The following NALCN variants were observed in gnomAD, a reference collection of about 807,000 sequenced individuals.
NALCN encodes sodium leak channel, non-selective, also known as sodium leak channel NALCN.
Under a neutral mutation model 225.3 loss-of-function variants are expected in NALCN, and 111 were observed. The observed-to-expected ratio is 0.49, with a 90% confidence interval of 0.42 to 0.58. NALCN has a LOEUF of 0.58. Ranked by LOEUF, NALCN falls within the 20% of genes least tolerant of loss-of-function variation. NALCN has a pLI of 0.00. For synonymous variants in NALCN, 764 were observed against 769.0 expected, an observed-to-expected ratio of 0.99 and a Z score of 0.11; for missense variants, 1,378 against 2,202.4, an observed-to-expected ratio of 0.63 and a Z score of 7.49.
chr13:101,213,109 A>G (rs2140084046), intron 13 of NALCN, among the ~76,000 whole-genome samples: 1 of 152,294 alleles, frequency 6.6e-6, no homozygotes, highest in Admixed American at 6.5e-5. Flanking sequence ...ATATAGACCA[A>G]TGGAATAGAA....
intron 6 of NALCN, among the ~76,000 whole-genome samples, chr13:101,352,496 T>C (rs563210903): frequency 1.1e-4 from 16 of 152,286 alleles, no homozygotes; most frequent in African/African-American, 3.1e-4. Context: ...GAGAGACCTT[T>C]TCACCTTTTC....
chr13:101,361,894 T>A (rs1332361064), intron 6 of NALCN, among the ~76,000 whole-genome samples: 1 of 152,128 alleles, frequency 6.6e-6, no homozygotes, highest in Non-Finnish European at 1.5e-5. Flanking sequence ...ATGGTTTTCT[T>A]TTGGTATACT....
chr13:101,269,359 G>A (rs573388679), intron 10 of NALCN, among the ~76,000 whole-genome samples: 9 of 152,142 alleles, frequency 5.9e-5, no homozygotes, highest in Admixed American at 2.0e-4. Flanking sequence ...TGGCCATGGA[G>A]CATCTTCTGC....
At chr13:101,200,582 C>T (rs556366530) in intron 13 of NALCN, among the ~76,000 whole-genome samples, 30 of 152,164 alleles carry the variant, frequency 2.0e-4, no homozygotes, top group Middle Eastern at 3.4e-3. Flanking sequence ...TTCCTAGCAC[C>T]CCTTAAACAT....
chr13:101,071,325 T>C (rs2032869167), intron 37 of NALCN, among the ~76,000 whole-genome samples: 1 of 152,218 alleles, frequency 6.6e-6, no homozygotes. Context: ...GCTATGAAAG[T>C]TCTAGAGGGC....
In NALCN at chr13:101,190,278, A is replaced by C. The variant is rs77241688; in HGVS notation, c.1764+1639T>G. On this transcript the variant is annotated intron_variant, in intron 14 of 43. Coordinates refer to ENST00000251127, the MANE Select transcript of NALCN (RefSeq NM_052867.4). ...CCCTGACATAGATGATTTCAATGAA[A>C]TCTATCCTGCATTTAACCCACAATC... is the stretch of plus-strand genomic sequence containing the variant. Among the ~76,000 whole-genome samples, 172 of 152,362 alleles carry C rather than the reference A, an allele frequency of 1.1e-3. 2 individuals are homozygous for C. Among genetic ancestry groups the C allele is most frequent in the East Asian group, 0.01 (52 of 5,192 alleles).
chr13:101,309,401 G>C (rs891717909), intron 7 of NALCN, among the ~76,000 whole-genome samples: 18 of 152,190 alleles, frequency 1.2e-4, no homozygotes, highest in Non-Finnish European at 2.4e-4. Context: ...TGACCTCACA[G>C]TTCATGACCA....
intron 10 of NALCN, among the ~76,000 whole-genome samples, chr13:101,281,836 T>C (rs2043178305): frequency 6.6e-6 from 1 of 152,130 alleles, no homozygotes; most frequent in Admixed American, 6.5e-5. Flanking sequence ...AATCTGATTA[T>C]AAATGAGCAA....
intron 3 of NALCN, among the ~76,000 whole-genome samples, chr13:101,389,308 A>G (rs867020195): frequency 1.3e-5 from 2 of 152,238 alleles, no homozygotes; most frequent in Non-Finnish European, 2.9e-5. Context: ...ATAAATGGCA[A>G]CATTTGTAGA....
At chr13:101,408,406 T>C (rs1323742031) in intron 1 of NALCN, among the ~76,000 whole-genome samples, 3 of 152,158 alleles carry the variant, frequency 2.0e-5, no homozygotes, top group Non-Finnish European at 2.9e-5. Context: ...AGCAGCTCTA[T>C]GTTTTCTCTC....
chr13:101,221,561 G>A (rs1251199640), intron 13 of NALCN, among the ~76,000 whole-genome samples: 3 of 152,114 alleles, frequency 2.0e-5, no homozygotes, highest in African/African-American at 7.2e-5. Context: ...CACTATTTCA[G>A]TCACTTCAAT....
At chr13:101,062,964 C>T (rs1174589708) in intron 40 of NALCN, among the ~76,000 whole-genome samples, 3 of 152,230 alleles carry the variant, frequency 2.0e-5, no homozygotes, top group African/African-American at 7.2e-5. Flanking sequence ...TCCCATTTAA[C>T]CCTTGACACA....
intron 7 of NALCN, among the ~76,000 whole-genome samples, chr13:101,341,726 G>C (rs2045564707): frequency 6.6e-6 from 1 of 152,174 alleles, no homozygotes; most frequent in Admixed American, 6.5e-5. Flanking sequence ...ACTTTGGGGA[G>C]GAACAGGGTA....
At chr13:101,330,581 G>C (rs2045130614) in intron 7 of NALCN, among the ~76,000 whole-genome samples, 2 of 152,156 alleles carry the variant, frequency 1.3e-5, no homozygotes, top group Non-Finnish European at 2.9e-5. Context: ...TCCAGACCTG[G>C]GCCAACTGAA....
chr13:101,351,162 G>C (rs2045897114), intron 6 of NALCN, among the ~76,000 whole-genome samples: 1 of 152,010 alleles, frequency 6.6e-6, no homozygotes, highest in Non-Finnish European at 1.5e-5. Flanking sequence ...TAAATCTATG[G>C]TGAATTATTT....
chr13:101,207,741 G>A (rs1477427935), intron 13 of NALCN, among the ~76,000 whole-genome samples: 1 of 152,174 alleles, frequency 6.6e-6, no homozygotes, highest in African/African-American at 2.4e-5. Context: ...CAATCAGCAG[G>A]ATGTGGGTGG....
At chr13:101,258,689 G>T in intron 10 of NALCN, 115 bp from the exon 11 acceptor site, 1 of 1,427,558 alleles carries the variant, frequency 7.0e-7, no homozygotes, top group Non-Finnish European at 9.5e-7. Context: ...GCAAAACAGG[G>T]CTTCCAAGAT....
intron 13 of NALCN, among the ~76,000 whole-genome samples, chr13:101,200,672 C>T (rs1193373170): frequency 6.6e-6 from 1 of 152,244 alleles, no homozygotes; most frequent in African/African-American, 2.4e-5. Context: ...AGGGTCATGG[C>T]AGAGCCAGAT....
At chr13:101,287,875 T>A (rs2043397904) in intron 9 of NALCN, among the ~76,000 whole-genome samples, 1 of 152,170 alleles carries the variant, frequency 6.6e-6, no homozygotes. Flanking sequence ...GGTTATCTAA[T>A]GGATAGTGGT....
Sources: gnomAD v4.1 joint callset for allele counts (sites outside exome capture counted in the v4.1 genomes callset) on GRCh38, gnomAD v4.1.1 for gene constraint, MANE v1.5 for transcripts, NCBI Gene and HGNC (gene_info 2026-07-23, HGNC 2026-07-21) for gene names.